The following RAP1GAP2 variants were observed in gnomAD, a reference collection of about 807,000 sequenced individuals.
RAP1GAP2 encodes RAP1 GTPase activating protein 2.
RAP1GAP2 carries 27 observed loss-of-function variants against 95.0 expected under a neutral mutation model. The ratio of observed to expected loss-of-function variants is 0.28; its 90% CI spans 0.21 to 0.39. RAP1GAP2 has a LOEUF of 0.39. Among genes scored for constraint, RAP1GAP2 ranks in the 10% least tolerant of loss-of-function variants. The pLI, the probability that RAP1GAP2 is intolerant of heterozygous loss-of-function variation, is 1.00. For missense variants in RAP1GAP2, 771 were observed against 970.0 expected (o/e 0.79, Z 2.72); for synonymous variants, 373 against 380.9 (o/e 0.98, Z 0.24).
intron 2 of RAP1GAP2, among the ~76,000 whole-genome samples, chr17:2,814,313 C>T (rs762477371): frequency 6.6e-6 from 1 of 152,152 alleles, no homozygotes; most frequent in African/African-American, 2.4e-5. Context: ...AGCTGCAGCC[C>T]GAGGGTGGAA....
At chr17:2,908,178 C>T (rs2042263249) in intron 3 of RAP1GAP2, among the ~76,000 whole-genome samples, 1 of 152,158 alleles carries the variant, frequency 6.6e-6, no homozygotes, top group South Asian at 2.1e-4. Context: ...TGCTGTGGGC[C>T]TCTGCACATG....
intron 3 of RAP1GAP2, among the ~76,000 whole-genome samples, chr17:2,923,862 T>C (rs1448781189): frequency 6.6e-6 from 1 of 152,228 alleles, no homozygotes; most frequent in African/African-American, 2.4e-5. Flanking sequence ...CTTGGCATCA[T>C]ACACATAGAT....
intron 3 of RAP1GAP2, among the ~76,000 whole-genome samples, chr17:2,948,408 A>G (rs1338860227): frequency 1.3e-5 from 2 of 152,146 alleles, no homozygotes; most frequent in African/African-American, 4.8e-5. Flanking sequence ...GAGAGGCAAG[A>G]GTGTTGCAGG....
chr17:2,910,171 CTG>C (rs2151742061), intron 3 of RAP1GAP2, among the ~76,000 whole-genome samples: 1 of 152,356 alleles, frequency 6.6e-6, no homozygotes, highest in East Asian at 1.9e-4. Flanking sequence ...AGCATAGCGA[CTG>C]TGTCCTATTC....
At chr17:2,924,345 C>T (rs976378971) in intron 3 of RAP1GAP2, among the ~76,000 whole-genome samples, 1 of 152,058 alleles carries the variant, frequency 6.6e-6, no homozygotes. Flanking sequence ...GAGCCCATCC[C>T]GGGAGCGAAT....
intron 2 of RAP1GAP2, among the ~76,000 whole-genome samples, chr17:2,808,344 C>T (rs1885333433): frequency 1.3e-5 from 2 of 152,050 alleles, no homozygotes. Flanking sequence ...GGATGCTGGT[C>T]CCATTCATGG....
At chr17:2,771,494 T>G (rs2068395174) in intron 2 of RAP1GAP2, among the ~76,000 whole-genome samples, 2 of 148,626 alleles carry the variant, frequency 1.3e-5, no homozygotes, top group South Asian at 4.3e-4. Context: ...TTGTTTTTTT[T>G]TTTTGTTTTT....
chr17:2,804,323 T>C (rs1335984745), intron 2 of RAP1GAP2, among the ~76,000 whole-genome samples: 12 of 152,216 alleles, frequency 7.9e-5, no homozygotes. Flanking sequence ...TGCACTGTTT[T>C]CCTGAGGCTT....
intron 1 of RAP1GAP2, among the ~76,000 whole-genome samples, chr17:2,767,162 G>C (rs901507952): frequency 6.6e-6 from 1 of 151,672 alleles, no homozygotes; most frequent in Non-Finnish European, 1.5e-5. Flanking sequence ...AGGAGTTCGA[G>C]ACCAGCCTGG....
At chr17:2,983,203 C>T (rs1421038468) in intron 10 of RAP1GAP2, among the ~76,000 whole-genome samples, 4 of 151,570 alleles carry the variant, frequency 2.6e-5, no homozygotes, top group African/African-American at 4.8e-5. Flanking sequence ...TCGCATAACG[C>T]GTGGTTGAAT....
chr17:2,972,844 A>G (rs572205423), intron 8 of RAP1GAP2, among the ~76,000 whole-genome samples: 1 of 152,268 alleles, frequency 6.6e-6, no homozygotes, highest in African/African-American at 2.4e-5. Context: ...CCCAAGGCTT[A>G]ATATATGCCG....
At chr17:2,882,489 G>A (rs1304141516) in intron 2 of RAP1GAP2, among the ~76,000 whole-genome samples, 3 of 151,446 alleles carry the variant, frequency 2.0e-5, no homozygotes, top group Admixed American at 6.6e-5. Context: ...ACGGGGTTTC[G>A]CCACGTTGGC....
intron 3 of RAP1GAP2, among the ~76,000 whole-genome samples, chr17:2,932,842 A>AAGGG (rs71153312): frequency 1.1e-4 from 10 of 94,158 alleles, no homozygotes; most frequent in Non-Finnish European, 1.4e-4. Flanking sequence ...AAAAAAAAAA[A>AAGGG]AGAGCAGGGA....
At position 2,800,355 on chromosome 17, in the gene RAP1GAP2, G is replaced by A. The variant is rs552420035; in HGVS notation, c.45-160G>A. 320 of 740,876 alleles carry A rather than the reference G, an allele frequency of 4.3e-4. 1 individual carries two copies. The highest frequency in any genetic ancestry group is 5.5e-4 in the South Asian group (9 of 16,438). 45.9% of individuals were successfully genotyped at this position (740,876 alleles called of 1,614,324 possible). ...CCCAGCTCTCCCAGCACTCAGAGGC[G>A]TCTCTCCCCCTGCTAGCGGAGAACT... is the stretch of plus-strand genomic sequence containing the variant. On this transcript the variant is annotated intron_variant, in intron 1 of 24. Transcript: ENST00000254695.
At chr17:2,833,947 C>T (rs1422725965) in intron 2 of RAP1GAP2, among the ~76,000 whole-genome samples, 6 of 152,216 alleles carry the variant, frequency 3.9e-5, no homozygotes, top group Admixed American at 3.9e-4. Context: ...TGATTTCCAG[C>T]CCTCTGAGCA....
At chr17:2,859,667 C>T (rs2072292909) in intron 2 of RAP1GAP2, among the ~76,000 whole-genome samples, 1 of 152,162 alleles carries the variant, frequency 6.6e-6, no homozygotes, top group Non-Finnish European at 1.5e-5. Context: ...AACTCCTGGA[C>T]TCAAGTGATC....
chr17:2,876,773 C>A (rs2073113794), intron 2 of RAP1GAP2, among the ~76,000 whole-genome samples: 1 of 152,182 alleles, frequency 6.6e-6, no homozygotes. Flanking sequence ...TCCGACCACC[C>A]CTTCCCATCA....
At chr17:2,972,598 C>CAAAAAAA (rs35539479) in intron 8 of RAP1GAP2, among the ~76,000 whole-genome samples, 7 of 85,500 alleles carry the variant, frequency 8.2e-5, no homozygotes, top group African/African-American at 3.6e-4. Context: ...AAGTCCTTCT[C>CAAAAAAA]AAAAAAAAAA....
intron 23 of RAP1GAP2, among the ~76,000 whole-genome samples, chr17:3,031,557 TG>T: frequency 7.1e-6 from 1 of 141,402 alleles, no homozygotes; most frequent in South Asian, 2.4e-4. Context: ...AGATGTGAGG[TG>T]GGAAGGGCTG....
Sources: gnomAD v4.1 joint callset for allele counts (sites outside exome capture counted in the v4.1 genomes callset) on GRCh38, gnomAD v4.1.1 for gene constraint, MANE v1.5 for transcripts, NCBI Gene and HGNC (gene_info 2026-07-23, HGNC 2026-07-21) for gene names.